GALNT13: variants seen among roughly 807,000 people sequenced by gnomAD.
GALNT13 encodes polypeptide N-acetylgalactosaminyltransferase 13, also known as UDP-GalNAc:polypeptide N-acetylgalactosaminyltransferase 13.
GALNT13 carries 28 observed loss-of-function variants against 64.2 expected under a neutral mutation model. The observed-to-expected ratio is 0.44, with a 90% confidence interval of 0.32 to 0.60. The LOEUF is 0.60. Ranked by LOEUF, GALNT13 falls within the 20% of genes least tolerant of loss-of-function variation. The pLI, the probability that GALNT13 is intolerant of heterozygous loss-of-function variation, is 0.05. For missense variants in GALNT13, 577 were observed against 669.8 expected, an observed-to-expected ratio of 0.86 and a Z score of 1.53; for synonymous variants, 214 against 224.6, an observed-to-expected ratio of 0.95 and a Z score of 0.42.
intron 3 of GALNT13, among the ~76,000 whole-genome samples, chr2:154,011,732 T>G (rs931711002): frequency 2.6e-5 from 4 of 152,194 alleles, no homozygotes; most frequent in Non-Finnish European, 5.9e-5. Flanking sequence ...AAACTTGTTT[T>G]ATGAATCCGT....
In GALNT13 at chr2:154,110,082, A is replaced by G. The variant is rs77086369; in HGVS notation, c.143-30255A>G. Among the ~76,000 whole-genome samples, 1,078 of 151,858 alleles carry G rather than the reference A, an allele frequency of 7.1e-3. 17 individuals are homozygous for G. The highest frequency in any genetic ancestry group is 0.025 in the African/African-American group (1,038 of 41,428). On this transcript the variant is annotated intron_variant, in intron 3 of 12. Coordinates refer to ENST00000392825, the MANE Select transcript of GALNT13 (RefSeq NM_052917.4). ...CTTCTTTAAATGTTTCGTAGAATTCAGCAGTGAAGGCATCATCAGGTTTTC... is the reference window on the plus strand; with the variant it reads ...CTTCTTTAAATGTTTCGTAGAATTCGGCAGTGAAGGCATCATCAGGTTTTC...
chr2:153,681,749 G>T, the GALNT13 span, among the ~76,000 whole-genome samples: 2 of 151,584 alleles, frequency 1.3e-5, no homozygotes, highest in Middle Eastern at 3.4e-3. Flanking sequence ...ATTTTCCCCC[G>T]CAGTGGCCAT....
chr2:153,683,763 A>T, the GALNT13 span, among the ~76,000 whole-genome samples: 1 of 151,682 alleles, frequency 6.6e-6, no homozygotes, highest in Non-Finnish European at 1.5e-5. Context: ...TGGTGAAAAT[A>T]TCTTTTGCCA....
the GALNT13 span, among the ~76,000 whole-genome samples, chr2:153,672,313 C>T: frequency 2.6e-5 from 4 of 152,126 alleles, no homozygotes; most frequent in Admixed American, 1.3e-4. Flanking sequence ...TAAAACACTC[C>T]TCAGCAAATG....
At chr2:154,026,888 G>C (rs141279785) in intron 3 of GALNT13, among the ~76,000 whole-genome samples, 150 of 152,218 alleles carry the variant, frequency 9.9e-4, no homozygotes, top group Non-Finnish European at 1.7e-3. Context: ...CATGAGAATG[G>C]ATAGGTACAC....
At chr2:154,038,255 C>G (rs1302440350) in intron 3 of GALNT13, among the ~76,000 whole-genome samples, 1 of 152,088 alleles carries the variant, frequency 6.6e-6, no homozygotes, top group African/African-American at 2.4e-5. Context: ...ACATTTTTCA[C>G]AGAATTAGAA....
intron 9 of GALNT13, among the ~76,000 whole-genome samples, chr2:154,333,493 T>C (rs1695278695): frequency 6.6e-6 from 1 of 152,028 alleles, no homozygotes; most frequent in East Asian, 1.9e-4. Flanking sequence ...CATTATTGGG[T>C]TTGAAATAAT....
the GALNT13 span, among the ~76,000 whole-genome samples, chr2:153,192,353 T>A: frequency 3.3e-5 from 5 of 152,146 alleles, no homozygotes; most frequent in African/African-American, 7.2e-5. Flanking sequence ...TTTCAAAGTT[T>A]CTCTTGTTAC....
chr2:153,085,335 C>T, the GALNT13 span, among the ~76,000 whole-genome samples: 1 of 152,188 alleles, frequency 6.6e-6, no homozygotes, highest in South Asian at 2.1e-4. Flanking sequence ...GGATGTTAAT[C>T]CCCAAGACAA....
chr2:153,508,182 T>C, the GALNT13 span, among the ~76,000 whole-genome samples: 1 of 152,148 alleles, frequency 6.6e-6, no homozygotes, highest in Non-Finnish European at 1.5e-5. Flanking sequence ...CAAGAGCACA[T>C]CAGCTCTTAT....
At position 154,438,681 on chromosome 2, in the gene GALNT13, A is replaced by G. The variant is rs1413151555; in HGVS notation, c.1485A>G (p.Lys495=). The G allele has an allele frequency of 6.2e-7, 1 of 1,611,788 alleles. No homozygotes were observed. Among genetic ancestry groups the G allele is most frequent in the East Asian group, 2.2e-5 (1 of 44,800 alleles). The change falls in exon 12 of 13, where the codon AAA becomes AAG. Residue 495 remains lysine, a synonymous_variant. Coordinates refer to ENST00000392825, the MANE Select transcript of GALNT13 (RefSeq NM_052917.4). ...SRLNGPVIML[K]CHHMRGNQLW... ...TCAATGGACCTGTAATCATGTTAAAATGCCACCATATGAGAGGAAATCAGT... is the reference window on the plus strand; with the variant it reads ...TCAATGGACCTGTAATCATGTTAAAGTGCCACCATATGAGAGGAAATCAGT...
rs569922245 is a variant in GALNT13 at position 154,041,916 on chromosome 2, C to T, written c.142+97277C>T. Among the ~76,000 whole-genome samples, 39 of 139,080 alleles carry T rather than the reference C, an allele frequency of 2.8e-4. 6 individuals are homozygous for T. Among genetic ancestry groups the T allele is most frequent in the Non-Finnish European group, 4.9e-4 (30 of 60,652 alleles). The allele number at this position is 139,080 out of a possible 152,430, so 91.2% of individuals were successfully genotyped here. On this transcript the variant is annotated intron_variant, in intron 3 of 12. Coordinates refer to ENST00000392825, the MANE Select transcript of GALNT13 (RefSeq NM_052917.4). ...ACACCAACCAAAAATAAGATTGAAC[C>T]GAGATATGATTTTTAGTAAACTTGG...
intron 3 of GALNT13, among the ~76,000 whole-genome samples, chr2:153,988,093 C>T (rs1694923488): frequency 2.6e-5 from 4 of 151,642 alleles, no homozygotes; most frequent in Admixed American, 6.6e-5. Flanking sequence ...CACACACACA[C>T]ACACACATAT....
chr2:153,171,623 T>G, the GALNT13 span, among the ~76,000 whole-genome samples: 2 of 152,188 alleles, frequency 1.3e-5, no homozygotes, highest in Non-Finnish European at 2.9e-5. Flanking sequence ...GCTGTTATTT[T>G]CTTTTGCTAG....
the GALNT13 span, among the ~76,000 whole-genome samples, chr2:153,083,512 T>C: frequency 1.3e-5 from 2 of 152,226 alleles, no homozygotes; most frequent in Non-Finnish European, 2.9e-5. Context: ...CATTTTTTAA[T>C]ATGTTTGTTG....
intron 9 of GALNT13, among the ~76,000 whole-genome samples, chr2:154,364,206 A>C (rs1697234593): frequency 6.6e-6 from 1 of 152,242 alleles, no homozygotes; most frequent in Admixed American, 6.5e-5. Flanking sequence ...TAGTTATAGA[A>C]AGGTTATTTC....
intron 9 of GALNT13, among the ~76,000 whole-genome samples, chr2:154,375,772 G>A (rs2037661): frequency 6.6e-6 from 1 of 151,906 alleles, no homozygotes; most frequent in Non-Finnish European, 1.5e-5. Context: ...TTTTTTGCAC[G>A]GAGGGATTAG....
chr2:153,448,822 C>G, the GALNT13 span, among the ~76,000 whole-genome samples: 1 of 152,256 alleles, frequency 6.6e-6, no homozygotes, highest in African/African-American at 2.4e-5. Flanking sequence ...TCTGTGTCCC[C>G]TTAAACTCAT....
chr2:153,698,607 C>G, the GALNT13 span, among the ~76,000 whole-genome samples: 111 of 152,222 alleles, frequency 7.3e-4, no homozygotes, highest in African/African-American at 2.4e-3. Context: ...TCTTACAGAC[C>G]TACAAAGAGA....
Sources: gnomAD v4.1 joint callset for allele counts (sites outside exome capture counted in the v4.1 genomes callset) on GRCh38, gnomAD v4.1.1 for gene constraint, MANE v1.5 for transcripts, NCBI Gene and HGNC (gene_info 2026-07-23, HGNC 2026-07-21) for gene names.